KRT8: variants seen among roughly 807,000 people sequenced by gnomAD.
The protein encoded by KRT8 is keratin, type II cytoskeletal 8.
In KRT8, 24 loss-of-function variants were observed where a neutral mutation model predicts 43.0. That is an observed-to-expected ratio of 0.56 (90% CI 0.40 to 0.78). KRT8 has a LOEUF of 0.78. Ranked by LOEUF, KRT8 falls within the 30% of genes least tolerant of loss-of-function variation. KRT8 has a pLI of 0.00. For synonymous variants in KRT8, 214 were observed against 261.2 expected (o/e 0.82, Z 1.74); for missense variants, 492 against 638.4 (o/e 0.77, Z 2.47).
upstream of KRT8, chr12:52,905,119 A>G (rs907050301): frequency 2.8e-6 from 4 of 1,438,626 alleles, no homozygotes; most frequent in Middle Eastern, 2.5e-4. Flanking sequence ...GATGGGGGGG[A>G]AAGGCCTCGT....
upstream of KRT8, chr12:52,906,899 G>A (rs1941532408): frequency 2.6e-6 from 1 of 381,344 alleles, no homozygotes; most frequent in East Asian, 7.3e-5. Context: ...TACCCAGAAG[G>A]ACAGAGAGAC....
At chr12:52,904,391 T>A (rs935795859) in intron 1 of KRT8, among the ~76,000 whole-genome samples, 1 of 152,116 alleles carries the variant, frequency 6.6e-6, no homozygotes, top group Non-Finnish European at 1.5e-5. Context: ...TACCCTTAAG[T>A]TGTCTCTCTC....
At chr12:52,906,490 T>C (rs147737716), upstream of KRT8, 1,537 of 335,410 alleles carry the variant, frequency 4.6e-3, 7 homozygotes, top group Middle Eastern at 0.011. Flanking sequence ...TCAAAGTGAG[T>C]CAGGAGGGCA....
chr12:52,923,870 G>A (rs188613255), intron 2 of KRT8, among the ~76,000 whole-genome samples: 133 of 150,304 alleles, frequency 8.8e-4, no homozygotes, highest in African/African-American at 3.0e-3. Flanking sequence ...TTTTCGAGAC[G>A]GAGCCTCGCT....
At chr12:52,904,736 G>A in exon 1 of KRT8, 1 of 1,612,808 alleles carries the variant, frequency 6.2e-7, no homozygotes, top group Non-Finnish European at 8.5e-7. Flanking sequence ...CCTGGATGTT[G>A]GGGTCCACCT....
intron 2 of KRT8, among the ~76,000 whole-genome samples, chr12:52,918,218 A>AAGAAGAAGAAGG (rs1941810965): frequency 7.4e-6 from 1 of 134,826 alleles, no homozygotes; most frequent in Non-Finnish European, 1.7e-5. Flanking sequence ...GAAGAAGAAG[A>AAGAAGAAGAAGG]AGAAGAAGAA....
At chr12:52,922,794 A>T (rs772691602) in intron 2 of KRT8, among the ~76,000 whole-genome samples, 1 of 152,210 alleles carries the variant, frequency 6.6e-6, no homozygotes, top group Non-Finnish European at 1.5e-5. Flanking sequence ...AAGTGCTAGG[A>T]TCAGAATTCC....
intron 2 of KRT8, among the ~76,000 whole-genome samples, chr12:52,938,155 TA>T (rs1565732894): frequency 3.5e-4 from 12 of 34,028 alleles, no homozygotes; most frequent in East Asian, 2.0e-3. Flanking sequence ...TATATATATA[TA>T]TATATATATA....
At chr12:52,926,885 A>G (rs551178382) in intron 2 of KRT8, among the ~76,000 whole-genome samples, 347 of 152,256 alleles carry the variant, frequency 2.3e-3, no homozygotes, top group Non-Finnish European at 3.4e-3. Context: ...GGCGTGTCTT[A>G]TACATGTTTC....
At position 52,898,539 on chromosome 12, in the gene KRT8, G is replaced by C. The variant is rs571206587; in HGVS notation, c.1203-20C>G. The C allele has an allele frequency of 6.2e-7, 1 of 1,613,974 alleles. No individual in the cohort carries two copies. Among genetic ancestry groups the C allele is most frequent in the Admixed American group, 1.7e-5 (1 of 60,000 alleles). On this transcript the variant is annotated intron_variant, in intron 6 of 7. Coordinates refer to ENST00000692008, the Ensembl canonical transcript of KRT8. ...TCCAGCCTGTACCCAGACAAATGGG[G>C]TGTCAGGACCAACTCCTAGCCCTTC... is the stretch of plus-strand genomic sequence containing the variant.
intron 2 of KRT8, among the ~76,000 whole-genome samples, chr12:52,930,814 C>G (rs1471437149): frequency 6.6e-6 from 1 of 152,100 alleles, no homozygotes; most frequent in Non-Finnish European, 1.5e-5. Context: ...CCCACCTTGG[C>G]CTCCCAAAGT....
chr12:52,945,499 A>C (rs143329032), intron 2 of KRT8, among the ~76,000 whole-genome samples: 2 of 152,316 alleles, frequency 1.3e-5, no homozygotes, highest in Non-Finnish European at 2.9e-5. Context: ...TGTTAAAGCA[A>C]AGGCGGAAGG....
At chr12:52,901,329 T>C (rs1941365229) in intron 2 of KRT8, 110 bp from the exon 3 acceptor site, 1 of 798,960 alleles carries the variant, frequency 1.3e-6, no homozygotes, top group African/African-American at 1.7e-5. Flanking sequence ...TTCACAGAGA[T>C]GCAGGATATG....
At chr12:52,922,652 G>A (rs947747753) in intron 2 of KRT8, among the ~76,000 whole-genome samples, 9 of 152,186 alleles carry the variant, frequency 5.9e-5, no homozygotes, top group African/African-American at 1.4e-4. Context: ...CAGCCTTGGC[G>A]ACAGAGCAAG....
chr12:52,902,513 AGCTGGGGCTACAG>A (rs1941397458), intron 1 of KRT8, among the ~76,000 whole-genome samples: 1 of 152,044 alleles, frequency 6.6e-6, no homozygotes, highest in South Asian at 2.1e-4. Flanking sequence ...CCTCCCGAGT[AGCTGGGGCTACAG>A]GCACCTGCCT....
upstream of KRT8, among the ~76,000 whole-genome samples, chr12:52,911,904 C>G (rs1167179404): frequency 6.6e-6 from 1 of 152,264 alleles, no homozygotes; most frequent in Admixed American, 6.5e-5. Context: ...TGGCACATGC[C>G]TGTAGTCTCA....
upstream of KRT8, among the ~76,000 whole-genome samples, chr12:52,907,806 T>G (rs59726571): frequency 2.5e-3 from 388 of 152,328 alleles, 1 homozygote; most frequent in African/African-American, 8.9e-3. Context: ...GCCTCTCTGA[T>G]GGCCCCTGCC....
chr12:52,897,959 T>A (rs1941255492), intron 7 of KRT8, among the ~76,000 whole-genome samples: 1 of 152,014 alleles, frequency 6.6e-6, no homozygotes, highest in Non-Finnish European at 1.5e-5. Flanking sequence ...AGGTCAGGAG[T>A]TCGAGACCAG....
rs202023798 is a variant in KRT8, at chr12:52,898,849, C to T, written c.1032G>A (p.Leu344=). 15 of 1,613,486 alleles carry T rather than the reference C, an allele frequency of 9.3e-6. No homozygotes were observed. In the African/African-American group the frequency reaches 1.5e-4, roughly 16 times the overall value. The change falls in exon 6 of 8, where the codon CTG becomes CTA. Residue 344 remains leucine, a synonymous_variant. Coordinates refer to ENST00000692008, the Ensembl canonical transcript of KRT8. ...ACTTGGCGTTGGCATCCTTAATGGC[C>T]AGCTCTCCACGCTGCTCGGCATCTG...
Sources: gnomAD v4.1 joint callset for allele counts (sites outside exome capture counted in the v4.1 genomes callset) on GRCh38, gnomAD v4.1.1 for gene constraint, MANE v1.5 for transcripts, NCBI Gene and HGNC (gene_info 2026-07-23, HGNC 2026-07-21) for gene names.